ABCB10: variants seen among roughly 807,000 people sequenced by gnomAD.
The protein encoded by ABCB10 is ATP-binding cassette sub-family B member 10, mitochondrial.
In ABCB10, 54 loss-of-function variants were observed where a neutral mutation model predicts 65.4. The ratio of observed to expected loss-of-function variants is 0.83; its 90% CI spans 0.66 to 1.04. The LOEUF is 1.04. Among genes scored for constraint, ABCB10 ranks in the 50% least tolerant of loss-of-function variants. The probability of loss-of-function intolerance (pLI) is 0.00; values close to 1 mark genes in which losing one functional copy is unlikely to be tolerated. For missense variants in ABCB10, 846 were observed against 976.6 expected, an observed-to-expected ratio of 0.87 and a Z score of 1.78; for synonymous variants, 418 against 406.5, an observed-to-expected ratio of 1.03 and a Z score of -0.34.
Position 229,517,898 on chromosome 1 carries a change from C to A in ABCB10, c.*281G>T. The stretch of plus-strand genomic sequence containing the variant: ...ACAGCAGGCAAAAGAAAATGAGGTG[C>A]CATGCTATATTAATTAAAATATTCC... On this transcript the variant is annotated 3_prime_UTR_variant, in exon 13 of 13. Coordinates refer to ENST00000344517, the MANE Select transcript of ABCB10 (RefSeq NM_012089.3). The A allele has an allele frequency of 3.5e-6, 1 of 285,552 alleles. No homozygotes were observed. The highest frequency in any genetic ancestry group is 6.5e-6 in the Non-Finnish European group (1 of 154,208). The allele number at this position is 285,552 out of a possible 1,614,324, so 17.7% of individuals were successfully genotyped here.
intron 10 of ABCB10, among the ~76,000 whole-genome samples, chr1:229,524,773 T>G (rs1448086535): frequency 6.6e-6 from 1 of 152,098 alleles, no homozygotes; most frequent in African/African-American, 2.4e-5. Flanking sequence ...TAAGAATGTG[T>G]TTTACATTTT....
At chr1:229,522,474 G>A (rs1571955890) in intron 10 of ABCB10, among the ~76,000 whole-genome samples, 1 of 152,320 alleles carries the variant, frequency 6.6e-6, no homozygotes, top group South Asian at 2.1e-4. Context: ...CCAAAGTGCT[G>A]AGATTGGGAG....
intron 10 of ABCB10, among the ~76,000 whole-genome samples, chr1:229,524,320 C>T (rs1662382322): frequency 6.6e-6 from 1 of 152,052 alleles, no homozygotes; most frequent in African/African-American, 2.4e-5. Flanking sequence ...CACCACCACA[C>T]CTGGCTATTG....
At position 229,549,263 on chromosome 1, in the gene ABCB10, G is replaced by C. The variant is rs1207426467; in HGVS notation, c.689C>G (p.Ala230Gly). 6.2e-7 allele frequency: 1 copy of C among 1,614,098 alleles called. No homozygotes were observed. Among genetic ancestry groups the C allele is most frequent in the East Asian group, 2.2e-5 (1 of 44,868 alleles). Residue 230 changes from alanine to glycine, a missense_variant, in exon 2 of 13, where the codon GCC (alanine) becomes GGC (glycine). This residue lies in a region of ABCB10 where 632 missense variants were observed against 803.2 expected (regional missense o/e 0.79). Coordinates refer to ENST00000344517, the MANE Select transcript of ABCB10 (RefSeq NM_012089.3). ...AVFLCGAAAN[A>G]IRVYLMQTSG... ...AGTTTGCATGAGGTAGACACGAATGGCATTGGCGGCAGCACCACACAGAAA... is the reference window on the plus strand; with the variant it reads ...AGTTTGCATGAGGTAGACACGAATGCCATTGGCGGCAGCACCACACAGAAA...
rs1000141377 is a variant in ABCB10 at position 229,547,682 on chromosome 1, C to A, written c.738G>T (p.Arg246Ser). Residue 246 changes from arginine to serine, a missense_variant, in exon 3 of 13, where the codon AGG becomes AGT. Around this residue, in one of 2 missense-constraint regions of ABCB10, gnomAD observed 632 missense variants for 803.2 expected, o/e 0.79. Transcript: ENST00000344517. ...TGGAGGAGAATAATGAAGTTCTCAG[C>A]CTATTCACAATGCGCTGACCTGCAA... ...MQTSGQRIVNRLRTSLFSSIL... is the reference protein window; with the variant it reads ...MQTSGQRIVNSLRTSLFSSIL... 6.2e-7 allele frequency: 1 copy of A among 1,614,156 alleles called. No individual in the cohort carries two copies. Among genetic ancestry groups the A allele is most frequent in the South Asian group, 1.1e-5 (1 of 91,082 alleles).
intron 11 of ABCB10, among the ~76,000 whole-genome samples, chr1:229,519,689 T>C (rs1662256394): frequency 6.6e-6 from 1 of 152,194 alleles, no homozygotes. Context: ...CTCTGGATGC[T>C]GAGGCAGGAG....
intron 6 of ABCB10, among the ~76,000 whole-genome samples, chr1:229,534,497 G>A (rs913234373): frequency 4.6e-5 from 7 of 151,902 alleles, no homozygotes; most frequent in Admixed American, 1.3e-4. Context: ...AGGCCAAGGT[G>A]GGCAGATCAC....
Position 229,518,370 on chromosome 1 carries a change from G to A in ABCB10, c.2026C>T (p.Leu676=). 6.2e-7 allele frequency: 1 copy of A among 1,614,204 alleles called. No individual in the cohort carries two copies. The highest frequency in any genetic ancestry group is 1.1e-5 in the South Asian group (1 of 91,078). Residue 676 remains leucine, a synonymous_variant, in exon 13 of 13, where the codon CTA becomes TTA. Coordinates refer to ENST00000344517, the MANE Select transcript of ABCB10 (RefSeq NM_012089.3). ...AENEYLVQEA[L]DRLMDGRTVL... Reference sequence around the variant, plus strand: ...GTTCTTCCATCCATCAGTCGATCTAGAGCTTCTTGAACAAGGTACTCATTT... The same window carrying A: ...GTTCTTCCATCCATCAGTCGATCTAAAGCTTCTTGAACAAGGTACTCATTT...
intron 6 of ABCB10, among the ~76,000 whole-genome samples, chr1:229,536,598 A>T (rs1662727150): frequency 6.6e-6 from 1 of 152,200 alleles, no homozygotes; most frequent in African/African-American, 2.4e-5. Context: ...CAAAAGCACA[A>T]TGGCCCTGGA....
At position 229,521,776 on chromosome 1, in the gene ABCB10, T is replaced by A. The variant is rs982520504; in HGVS notation, c.1907-141A>T. ...ACACAGATAGACCAGAAACCTATTTTAAAATATAGGTTTAAAATATATCAA... is the reference window on the plus strand; with the variant it reads ...ACACAGATAGACCAGAAACCTATTTAAAAATATAGGTTTAAAATATATCAA... On this transcript the variant is annotated intron_variant, in intron 10 of 12. Transcript: ENST00000344517. 6.9e-6 allele frequency: 5 copies of A among 728,610 alleles called. No individual in the cohort carries two copies. The African/African-American group carries it at 9.0e-5, about 13-fold the overall frequency. The allele number at this position is 728,610 out of a possible 1,614,324, so 45.1% of individuals were successfully genotyped here.
At chr1:229,548,126 T>A (rs917232980) in intron 2 of ABCB10, among the ~76,000 whole-genome samples, 1 of 151,926 alleles carries the variant, frequency 6.6e-6, no homozygotes, top group South Asian at 2.1e-4. Flanking sequence ...CTCAGCCTCC[T>A]GGGTAGCTGA....
In ABCB10 at chr1:229,542,371, ACTGT is replaced by A; in HGVS notation, c.922-4_922-1del. 1.2e-6 allele frequency: 2 copies of A among 1,608,108 alleles called. No individual in the cohort carries two copies. Among genetic ancestry groups the A allele is most frequent in the African/African-American group, 2.7e-5 (2 of 74,514 alleles). On this transcript the variant is annotated splice_acceptor_variant and splice_polypyrimidine_tract_variant and intron_variant, in intron 3 of 12. Transcript: ENST00000344517. LOFTEE classifies it high-confidence loss of function. ...GTGGCCAGATTAGGTGAGACAAAAA[ACTGT>A]CAAAAACAAAAAAAAATTCAGAGGT...
At chr1:229,528,006 T>C (rs1662484894) in intron 8 of ABCB10, among the ~76,000 whole-genome samples, 1 of 152,240 alleles carries the variant, frequency 6.6e-6, no homozygotes, top group African/African-American at 2.4e-5. Context: ...TCAGACGCTA[T>C]CTTTATGACT....
chr1:229,530,365 C>T lies in ABCB10; in HGVS notation c.1479G>A (p.Glu493=). Residue 493 remains glutamate, a synonymous_variant, in exon 8 of 13, where the codon GAG becomes GAA. Transcript: ENST00000344517. The part of the protein sequence containing the change: ...LNEKSFQGAL[E]FKNVHFAYPA... ...GATAGGCAAAATGCACGTTCTTAAA[C>T]TCCAAAGCACCCTGGAAGCTTTTCT... 1 of 1,614,210 alleles carries T rather than the reference C, an allele frequency of 6.2e-7. No homozygotes were observed. The highest frequency in any genetic ancestry group is 8.5e-7 in the Non-Finnish European group (1 of 1,180,036).
At chr1:229,536,729 G>A (rs1260647827) in intron 6 of ABCB10, among the ~76,000 whole-genome samples, 1 of 152,146 alleles carries the variant, frequency 6.6e-6, no homozygotes, top group Non-Finnish European at 1.5e-5. Context: ...GCAGAGGCAG[G>A]CAGATTGCTT....
intron 1 of ABCB10, among the ~76,000 whole-genome samples, chr1:229,555,486 G>T (rs944697405): frequency 1.3e-5 from 2 of 152,250 alleles, no homozygotes; most frequent in African/African-American, 4.8e-5. Context: ...TGCTAAAGCT[G>T]CTTTCAGCAC....
intron 11 of ABCB10, among the ~76,000 whole-genome samples, 159 bp downstream of exon 11, chr1:229,521,433 T>A (rs1662311756): frequency 6.7e-6 from 1 of 149,376 alleles, no homozygotes; most frequent in Admixed American, 6.7e-5. Context: ...TATACTACAC[T>A]AACTTACCTT....
chr1:229,527,181 A>G, intron 9 of ABCB10, 48 bp downstream of exon 9: 1 of 1,531,686 alleles, frequency 6.5e-7, no homozygotes, highest in Non-Finnish European at 8.9e-7. Flanking sequence ...AAAAGACAAA[A>G]GTAATTTTAA....
In ABCB10 at chr1:229,530,243, G is replaced by C. The variant is rs1558121535; in HGVS notation, c.1601C>G (p.Ser534Ter). The C allele has an allele frequency of 2.5e-6, 4 of 1,614,146 alleles. No homozygotes were observed. The highest frequency in any genetic ancestry group is 3.4e-6 in the Non-Finnish European group (4 of 1,180,016). ...ALVGPSGSGK[S>*]TVLSLLLRLY... ...CCTCAGCAGGAGTGAAAGCACTGTT[G>C]ATTTGCCAGAACCACTTGGGCCAAC... is the stretch of plus-strand genomic sequence containing the variant. The change falls in exon 8 of 13, where the codon TCA becomes TGA. Residue 534 changes from serine (S) to a stop codon, truncating the protein, a stop_gained. Coordinates refer to ENST00000344517, the MANE Select transcript of ABCB10 (RefSeq NM_012089.3). LOFTEE classifies it high-confidence loss of function.
Sources: gnomAD v4.1 joint callset for allele counts (sites outside exome capture counted in the v4.1 genomes callset) on GRCh38, gnomAD v4.1.1 for gene constraint, gnomAD v4.1.1 regional missense constraint, MANE v1.5 for transcripts, NCBI Gene and HGNC (gene_info 2026-07-23, HGNC 2026-07-21) for gene names.